The following SLK variants were observed in gnomAD, a reference collection of about 807,000 sequenced individuals.
SLK encodes the protein STE20 like kinase, also known as STE20-like serine/threonine-protein kinase.
Under a neutral mutation model 147.7 loss-of-function variants are expected in SLK, and 67 were observed. The ratio of observed to expected loss-of-function variants is 0.45; its 90% CI spans 0.37 to 0.56. SLK has a LOEUF of 0.56. SLK is among the 20% of genes least tolerant of loss of function. SLK has a pLI of 0.00. For missense variants in SLK, 1,136 were observed against 1,438.8 expected, an observed-to-expected ratio of 0.79 and a Z score of 3.41; for synonymous variants, 441 against 475.0, an observed-to-expected ratio of 0.93 and a Z score of 0.93.
chr10:103,995,068 G>C (rs1222055149), intron 4 of SLK, among the ~76,000 whole-genome samples: 1 of 152,092 alleles, frequency 6.6e-6, no homozygotes, highest in African/African-American at 2.4e-5. Flanking sequence ...TAATGATTTT[G>C]ATATAAACAC....
chr10:104,024,722 C>T (rs916290766), intron 18 of SLK, among the ~76,000 whole-genome samples: 7 of 152,184 alleles, frequency 4.6e-5, no homozygotes, highest in African/African-American at 1.4e-4. Flanking sequence ...AATCACTTCT[C>T]CACAAAGTCA....
chr10:103,986,559 C>T (rs112687289), intron 1 of SLK, among the ~76,000 whole-genome samples: 3,066 of 152,108 alleles, frequency 0.02, 68 homozygotes, highest in South Asian at 0.11. Context: ...TGCTGCTCAT[C>T]TCCTGCTATG....
intron 13 of SLK, among the ~76,000 whole-genome samples, chr10:104,016,318 CAAAAA>C: frequency 7.9e-6 from 1 of 126,474 alleles, no homozygotes; most frequent in Admixed American, 8.1e-5. Context: ...GACTCTCTTT[CAAAAA>C]AAAAAAAGAA....
At chr10:103,991,530 C>T (rs1844093626) in intron 2 of SLK, among the ~76,000 whole-genome samples, 1 of 151,898 alleles carries the variant, frequency 6.6e-6, no homozygotes, top group African/African-American at 2.4e-5. Flanking sequence ...TAAGGAATAC[C>T]TGACTGGATG....
intron 9 of SLK, among the ~76,000 whole-genome samples, chr10:104,005,082 AAG>A (rs1844306426): frequency 2.0e-5 from 3 of 152,160 alleles, no homozygotes; most frequent in Non-Finnish European, 4.4e-5. Context: ...TTTCAAAAAA[AAG>A]AGATTTCCAG....
At chr10:104,021,385 TAGTTCTTTTTA>T (rs1410279251) in intron 17 of SLK, among the ~76,000 whole-genome samples, 1 of 152,252 alleles carries the variant, frequency 6.6e-6, no homozygotes, top group Non-Finnish European at 1.5e-5. Context: ...AAGCTCAAGC[TAGTTCTTTTTA>T]AGTTCTTTTT....
chr10:104,005,784 G>T, intron 10 of SLK, 93 bp downstream of exon 10: 1 of 1,488,960 alleles, frequency 6.7e-7, no homozygotes, highest in South Asian at 1.2e-5. Context: ...GTAAATTATT[G>T]GCTAATTTTT....
chr10:104,020,509 AG>A lies in SLK; in HGVS notation c.3345del (p.Arg1115SerfsTer50). ...ATAGTTTGCTGCACAAGAAGAAAAGAGGCAGAAAAATGAGAGAATGGCTCAG... is the reference window on the plus strand; with the variant it reads ...ATAGTTTGCTGCACAAGAAGAAAAGAGCAGAAAAATGAGAGAATGGCTCAG... ...IKQFAAQEEK[R>X]QKNERMAQHQ... On this transcript the variant is annotated frameshift_variant, in exon 17 of 19. Coordinates refer to ENST00000369755, the MANE Select transcript of SLK (RefSeq NM_014720.4). LOFTEE classifies it high-confidence loss of function. The A allele has an allele frequency of 1.2e-6, 2 of 1,613,556 alleles. No individual in the cohort carries two copies. Among genetic ancestry groups the A allele is most frequent in the Non-Finnish European group, 1.7e-6 (2 of 1,179,776 alleles).
intron 7 of SLK, 84 bp downstream of exon 7, chr10:104,000,032 C>T: frequency 3.2e-6 from 2 of 619,886 alleles, no homozygotes; most frequent in Non-Finnish European, 5.5e-6. Context: ...TTTCTTTCCA[C>T]TTAAATTTCC....
chr10:103,972,168 C>T (rs545071625), intron 1 of SLK, among the ~76,000 whole-genome samples: 1 of 152,286 alleles, frequency 6.6e-6, no homozygotes, highest in African/African-American at 2.4e-5. Flanking sequence ...ATGATGATAT[C>T]ACCAATTATT....
chr10:104,023,617 G>A (rs1844562528), intron 18 of SLK, among the ~76,000 whole-genome samples: 1 of 151,964 alleles, frequency 6.6e-6, no homozygotes, highest in Admixed American at 6.6e-5. Context: ...TTTCCATCTG[G>A]GTGTTATGCT....
At chr10:104,009,479 T>C (rs1462072723) in intron 12 of SLK, among the ~76,000 whole-genome samples, 1 of 152,150 alleles carries the variant, frequency 6.6e-6, no homozygotes, top group East Asian at 1.9e-4. Context: ...AAATGGTATG[T>C]GATTTTATTT....
At position 103,998,899 on chromosome 10, in the gene SLK, C is replaced by A; in HGVS notation, c.515C>A (p.Ala172Glu). Reference protein sequence around the residue: ...LFTLDGDIKLADFGVSAKNTR... With the variant: ...LFTLDGDIKLEDFGVSAKNTR... ...AATGCTTTTGTGTGATTATTTCAAG[C>A]GGATTTTGGAGTATCAGCTAAAAAC... The change falls in exon 5 of 19, where the codon GCG becomes GAG. Residue 172 changes from alanine (A) to glutamate (E), a missense_variant and splice_region_variant. Physicochemically the swap from Ala to Glu is moderately radical, Grantham distance 107. Around this residue, in one of 6 missense-constraint regions of SLK, gnomAD observed 141 missense variants for 219.3 expected, o/e 0.64. Coordinates refer to ENST00000369755, the MANE Select transcript of SLK (RefSeq NM_014720.4). 2 of 1,606,766 alleles carry A rather than the reference C, an allele frequency of 1.2e-6. No homozygotes were observed. The highest frequency in any genetic ancestry group is 1.7e-6 in the Non-Finnish European group (2 of 1,173,868).
intron 13 of SLK, among the ~76,000 whole-genome samples, chr10:104,014,829 A>G (rs1018438919): frequency 1.4e-4 from 22 of 152,098 alleles, no homozygotes; most frequent in Admixed American, 3.9e-4. Flanking sequence ...ACTTTAAAAA[A>G]TGATTTTTGG....
chr10:104,011,977 A>G (rs183354812), intron 13 of SLK, among the ~76,000 whole-genome samples: 60 of 152,374 alleles, frequency 3.9e-4, no homozygotes, highest in African/African-American at 1.4e-3. Flanking sequence ...AATTTATGCT[A>G]AGCCTGGAGG....
intron 1 of SLK, among the ~76,000 whole-genome samples, chr10:103,975,842 A>C (rs926649443): frequency 6.6e-6 from 1 of 152,180 alleles, no homozygotes; most frequent in Non-Finnish European, 1.5e-5. Context: ...TGGGATGCCA[A>C]GGTGGGAGGG....
In SLK at chr10:103,967,734, T is replaced by G; in HGVS notation, c.-12T>G. 4 of 1,613,690 alleles carry G rather than the reference T, an allele frequency of 2.5e-6. No homozygotes were observed. The highest frequency in any genetic ancestry group is 3.4e-6 in the Non-Finnish European group (4 of 1,179,668). On this transcript the variant is annotated 5_prime_UTR_variant, in exon 1 of 19. Transcript: ENST00000369755. ...GTCCTTAAGTGCAAGGAACTCTGTG[T>G]TGGGAGGAAAAATGTCCTTCTTCAA...
At position 104,025,711 on chromosome 10, in the gene SLK, C is replaced by A. The variant is rs139177471; in HGVS notation, c.3699C>A (p.Thr1233=). 1.6e-5 allele frequency: 26 copies of A among 1,613,998 alleles called. No homozygotes were observed. In the South Asian group the frequency reaches 2.4e-4, roughly 15 times the overall value. Residue 1233 remains threonine (T), a synonymous_variant, in exon 19 of 19, where the codon ACC becomes ACA. Transcript: ENST00000369755. ...ATCCTATTCCCAGCTTGCATTCCAC[C>A]GGATCATAACAAAGGGAAGCATTCT... is the stretch of plus-strand genomic sequence containing the variant. ...KFYPIPSLHS[T]GS
rs1354564992 is a variant in SLK, at chr10:104,002,662, T to C, written c.1484T>C (p.Ile495Thr). 2 of 1,610,436 alleles carry C rather than the reference T, an allele frequency of 1.2e-6. No homozygotes were observed. Among genetic ancestry groups the C allele is most frequent in the Admixed American group, 3.4e-5 (2 of 59,346 alleles). Residue 495 changes from isoleucine (I) to threonine (T), a missense_variant, in exon 9 of 19, where the codon ATT becomes ACT. Ile to Thr is a moderately conservative substitution (Grantham distance 89). Coordinates refer to ENST00000369755, the MANE Select transcript of SLK (RefSeq NM_014720.4). ...AAATCTGAAGAAATTAAAGATACTA[T>C]TTTGCAAACAGTAGATTTAGTTTCT... ...LIKSEEIKDT[I>T]LQTVDLVSQE...
Sources: allele counts gnomAD v4.1 joint callset (sites outside exome capture counted in the v4.1 genomes callset), GRCh38; gene constraint gnomAD v4.1.1; regional missense constraint gnomAD v4.1.1; transcripts MANE v1.5; gene names NCBI Gene and HGNC (gene_info 2026-07-23, HGNC 2026-07-21).